CDC20B: variants seen among roughly 807,000 people sequenced by gnomAD.
CDC20B encodes the protein cell division cycle 20B.
A neutral mutation model predicts 64.1 loss-of-function variants in CDC20B; 58 were observed. The observed-to-expected ratio is 0.90, with a 90% CI of 0.73 to 1.13. The LOEUF is 1.13. Ranked by LOEUF, CDC20B falls within the 50% of genes most tolerant of loss-of-function variation. The probability of loss-of-function intolerance (pLI) is 0.00; values close to 1 mark genes in which losing one functional copy is unlikely to be tolerated. For missense variants in CDC20B, 597 were observed against 633.0 expected, an observed-to-expected ratio of 0.94 and a Z score of 0.61; for synonymous variants, 243 against 230.6, an observed-to-expected ratio of 1.05 and a Z score of -0.49.
At chr5:55,158,520 T>C (rs1743880030) in intron 2 of CDC20B, among the ~76,000 whole-genome samples, 3 of 152,142 alleles carry the variant, frequency 2.0e-5, no homozygotes, top group Admixed American at 2.0e-4. Context: ...GGCTATGGGC[T>C]TTGCTCAGCC....
At chr5:55,160,521 A>G in intron 2 of CDC20B, 1 of 656,910 alleles carries the variant, frequency 1.5e-6, no homozygotes. Flanking sequence ...GAGTAATGGT[A>G]TTAGTACATC....
At chr5:55,164,704 G>A (rs1744288144) in intron 2 of CDC20B, 1 of 152,150 alleles carries the variant, frequency 6.6e-6, no homozygotes, top group African/African-American at 2.4e-5. Context: ...TATGTTAATG[G>A]AATAAAACAC....
chr5:55,139,999 C>A (rs1743287096), intron 5 of CDC20B, among the ~76,000 whole-genome samples: 1 of 151,952 alleles, frequency 6.6e-6, no homozygotes, highest in South Asian at 2.1e-4. Flanking sequence ...TGCACTCCAG[C>A]CTGAGCAACA....
chr5:55,143,818 G>A (rs372181403), intron 3 of CDC20B, among the ~76,000 whole-genome samples, 175 bp from the exon 4 acceptor site: 9 of 151,846 alleles, frequency 5.9e-5, no homozygotes, highest in African/African-American at 1.9e-4. Flanking sequence ...GGCTCTCGTC[G>A]CTCCAAAGTC....
In CDC20B at chr5:55,114,673, G is replaced by A. The variant is rs376152229; in HGVS notation, c.1460-355C>T. On this transcript the variant is annotated intron_variant, in intron 11 of 11. Transcript: ENST00000381375. The surrounding 1 kb of genome is among the most constrained non-coding windows in gnomAD (Gnocchi z 4.1). ...GGCTGTGCTCCCTAGGGAGGCTCTC[G>A]AGGGGATTCCATGCTTTGCAGCTAT... Among the ~76,000 whole-genome samples the A allele has an allele frequency of 2.0e-5, 3 of 152,136 alleles. No homozygotes were observed. Among genetic ancestry groups the A allele is most frequent in the African/African-American group, 4.8e-5 (2 of 41,430 alleles).
intron 5 of CDC20B, among the ~76,000 whole-genome samples, chr5:55,138,187 A>C (rs1009191399): frequency 3.4e-5 from 5 of 149,210 alleles, no homozygotes; most frequent in African/African-American, 9.8e-5. Flanking sequence ...AAAAAGACAG[A>C]GCTCACTCTG....
chr5:55,124,358 C>T lies in CDC20B; in HGVS notation c.1215+445G>A, dbSNP rs73115900. 3.2e-3 allele frequency among the ~76,000 whole-genome samples: 489 copies of T among 152,240 alleles called. 1 individual carries two copies. The highest frequency in any genetic ancestry group is 0.011 in the African/African-American group (451 of 41,530). Reference sequence around the variant, plus strand: ...TAAGGAAAAATGGCTTCTTATCCAGCGCCCATCTGGAAGAATCTGAATCTG... The same window carrying T: ...TAAGGAAAAATGGCTTCTTATCCAGTGCCCATCTGGAAGAATCTGAATCTG... On this transcript the variant is annotated intron_variant, in intron 9 of 11. Coordinates refer to ENST00000381375, the MANE Select transcript of CDC20B (RefSeq NM_001170402.1).
chr5:55,120,282 T>G, intron 10 of CDC20B, 143 bp downstream of exon 10: 1 of 886,788 alleles, frequency 1.1e-6, no homozygotes, highest in Non-Finnish European at 1.7e-6. Context: ...GTTTTTACAA[T>G]AAAAAGAAAC....
At chr5:55,130,949 C>T (rs1743013232) in intron 6 of CDC20B, among the ~76,000 whole-genome samples, 1 of 151,988 alleles carries the variant, frequency 6.6e-6, no homozygotes, top group African/African-American at 2.4e-5. Flanking sequence ...AAGTAAGACC[C>T]CATCTCTATA....
chr5:55,161,390 A>T, intron 2 of CDC20B: 1 of 839,238 alleles, frequency 1.2e-6, no homozygotes, highest in East Asian at 2.5e-5. Context: ...AAGAGCCAGA[A>T]TCTCATCCTT....
At chr5:55,151,483 C>T (rs1743666518) in intron 2 of CDC20B, among the ~76,000 whole-genome samples, 1 of 152,074 alleles carries the variant, frequency 6.6e-6, no homozygotes, top group Admixed American at 6.6e-5. Flanking sequence ...TCAAAAGTTT[C>T]CTTAGAGCAA....
At chr5:55,146,584 T>C (rs1423919054) in intron 3 of CDC20B, 44 bp downstream of exon 3, 1 of 1,356,710 alleles carries the variant, frequency 7.4e-7, no homozygotes, top group African/African-American at 1.4e-5. Flanking sequence ...ATATATCTTT[T>C]ATTCACGTTG....
intron 2 of CDC20B, chr5:55,160,117 T>G: frequency 3.6e-6 from 4 of 1,116,032 alleles, no homozygotes; most frequent in Non-Finnish European, 5.4e-6. Flanking sequence ...GGTTTTCCGT[T>G]AAACTAAGCC....
At chr5:55,151,434 T>G (rs1182016060) in intron 2 of CDC20B, among the ~76,000 whole-genome samples, 1 of 152,126 alleles carries the variant, frequency 6.6e-6, no homozygotes, top group Admixed American at 6.6e-5. Flanking sequence ...AAGATAAACT[T>G]AGTTTGCAGA....
chr5:55,161,898 G>C (rs895193289), intron 2 of CDC20B, among the ~76,000 whole-genome samples: 1 of 152,100 alleles, frequency 6.6e-6, no homozygotes, highest in East Asian at 1.9e-4. Flanking sequence ...AAGCTACCTG[G>C]GTTCAAACCC....
In CDC20B at chr5:55,114,398, G is replaced by A; in HGVS notation, c.1460-80C>T. The A allele has an allele frequency of 1.3e-6, 2 of 1,537,070 alleles. No homozygotes were observed. Among genetic ancestry groups the A allele is most frequent in the Non-Finnish European group, 1.8e-6 (2 of 1,140,538 alleles). On this transcript the variant is annotated intron_variant, in intron 11 of 11. Coordinates refer to ENST00000381375, the MANE Select transcript of CDC20B (RefSeq NM_001170402.1). The surrounding 1 kb of genome is among the most constrained non-coding windows in gnomAD (Gnocchi z 4.1). ...TCAGGACTGTAGGCAATGTAAGTTG[G>A]GGCCATGAGTCCCATCCCAGGATAA...
At chr5:55,132,835 G>A (rs1465556871) in intron 6 of CDC20B, among the ~76,000 whole-genome samples, 2 of 152,140 alleles carry the variant, frequency 1.3e-5, no homozygotes. Flanking sequence ...TCTTCATGCT[G>A]TTAACAATAC....
rs1005444443 is a variant in CDC20B, at chr5:55,141,189, A to C, written c.487-782T>G. Among the ~76,000 whole-genome samples the C allele has an allele frequency of 3.3e-5, 5 of 152,302 alleles. No individual in the cohort carries two copies. In the East Asian group the frequency reaches 9.6e-4, roughly 29 times the overall value. ...CAGCTCTCATCAACAGCTTTCTTACACTAGCTCTCTACACTGTTCACCTTT... is the reference window on the plus strand; with the variant it reads ...CAGCTCTCATCAACAGCTTTCTTACCCTAGCTCTCTACACTGTTCACCTTT... On this transcript the variant is annotated intron_variant, in intron 4 of 11. Transcript: ENST00000381375.
At chr5:55,147,779 A>T (rs1470718735) in intron 2 of CDC20B, among the ~76,000 whole-genome samples, 1 of 152,188 alleles carries the variant, frequency 6.6e-6, no homozygotes, top group Non-Finnish European at 1.5e-5. Context: ...GACATATGAT[A>T]TAACACTATG....
Sources: allele counts gnomAD v4.1 joint callset (sites outside exome capture counted in the v4.1 genomes callset), GRCh38; gene constraint gnomAD v4.1.1; non-coding constraint Gnocchi (gnomAD v3.1); transcripts MANE v1.5; gene names NCBI Gene and HGNC (gene_info 2026-07-23, HGNC 2026-07-21).